The following ASXL2 variants were observed in gnomAD, a reference collection of about 807,000 sequenced individuals.
ASXL2 encodes putative Polycomb group protein ASXL2.
ASXL2 carries 23 observed loss-of-function variants against 122.0 expected under a neutral mutation model. That is an observed-to-expected ratio of 0.19 (90% CI 0.14 to 0.27). The LOEUF (loss-of-function observed/expected upper bound fraction) is 0.27, where lower values mean the gene tolerates loss of function less well. Ranked by LOEUF, ASXL2 falls within the 10% of genes least tolerant of loss-of-function variation. The pLI is 1.00. For synonymous variants in ASXL2, 650 were observed against 637.0 expected (o/e 1.02, Z -0.31); for missense variants, 1,518 against 1,713.8 (o/e 0.89, Z 2.02).
At chr2:25,794,113 A>G in intron 5 of ASXL2, among the ~76,000 whole-genome samples, 1 of 152,224 alleles carries the variant, frequency 6.6e-6, no homozygotes. Flanking sequence ...TAGAAGGTAG[A>G]TAGGTTTATG....
chr2:25,871,103 A>G (rs1256754285), intron 1 of ASXL2, among the ~76,000 whole-genome samples: 1 of 152,252 alleles, frequency 6.6e-6, no homozygotes, highest in Non-Finnish European at 1.5e-5. Flanking sequence ...AATAGTAAAA[A>G]CATAACAAAT....
In ASXL2 at chr2:25,815,112, C is replaced by A. The variant is rs561659572; in HGVS notation, c.144-8775G>T. ...CATCTCAAGTGATAGGAATCTCACC[C>A]TCACATACAACTATTCTCCACTCTG... On this transcript the variant is annotated intron_variant, in intron 3 of 12. Transcript: ENST00000435504. Among the ~76,000 whole-genome samples, 11 of 152,244 alleles carry A rather than the reference C, an allele frequency of 7.2e-5. No individual in the cohort carries two copies. The South Asian group carries it at 2.3e-3, about 32-fold the overall frequency.
intron 1 of ASXL2, among the ~76,000 whole-genome samples, chr2:25,868,410 A>T (rs1392732185): frequency 1.3e-5 from 2 of 152,258 alleles, no homozygotes; most frequent in African/African-American, 4.8e-5. Context: ...GTCTCTCACA[A>T]CATAATTTTT....
chr2:25,783,313 T>C (rs2088678116), intron 5 of ASXL2, among the ~76,000 whole-genome samples: 1 of 151,970 alleles, frequency 6.6e-6, no homozygotes, highest in Admixed American at 6.6e-5. Context: ...AAGTATCCCA[T>C]TTCATCTACA....
At chr2:25,860,804 G>T (rs1043120785) in intron 1 of ASXL2, among the ~76,000 whole-genome samples, 2 of 151,968 alleles carry the variant, frequency 1.3e-5, no homozygotes, top group Non-Finnish European at 2.9e-5. Flanking sequence ...TTGAGCTCAG[G>T]AGTTCAAGAC....
chr2:25,788,869 ACT>A (rs1348374077), intron 5 of ASXL2, among the ~76,000 whole-genome samples: 1 of 149,752 alleles, frequency 6.7e-6, no homozygotes, highest in Non-Finnish European at 1.5e-5. Flanking sequence ...TTGCCTTTTC[ACT>A]CTCTTAAAGT....
At chr2:25,851,711 C>T (rs936013621) in intron 1 of ASXL2, among the ~76,000 whole-genome samples, 2 of 152,110 alleles carry the variant, frequency 1.3e-5, no homozygotes, top group African/African-American at 2.4e-5. Context: ...GCCAACATGA[C>T]CAAACCCTGG....
chr2:25,805,358 G>A (rs139701685), intron 4 of ASXL2, among the ~76,000 whole-genome samples: 2,884 of 151,264 alleles, frequency 0.019, 291 homozygotes, highest in Admixed American at 0.16. Context: ...CAAATGTTGT[G>A]GGGCTCTCCA....
At chr2:25,798,907 G>T (rs1050227461) in intron 5 of ASXL2, among the ~76,000 whole-genome samples, 1 of 152,174 alleles carries the variant, frequency 6.6e-6, no homozygotes, top group African/African-American at 2.4e-5. Flanking sequence ...CAAAGCCATA[G>T]GATGTACTCT....
rs769379588 is a variant in ASXL2, at chr2:25,756,048, C to A, written c.1006G>T (p.Ala336Ser). The change falls in exon 10 of 13, where the codon GCC (alanine) becomes TCC (serine). Residue 336 changes from alanine (A) to serine (S), a missense_variant. Physicochemically the swap from Ala to Ser is moderately conservative, Grantham distance 99 (BLOSUM62 1). This residue lies in a region of ASXL2 where 92 missense variants were observed against 156.6 expected (regional missense o/e 0.59). Transcript: ENST00000435504. Reference sequence around the variant, plus strand: ...GAGAGTCTTTCCTTCCAGCCTTGGGCTGCTGAAGTGAAGAATTCATTGTTA... The same window carrying A: ...GAGAGTCTTTCCTTCCAGCCTTGGGATGCTGAAGTGAAGAATTCATTGTTA... ...ALNNEFFTSA[A>S]QGWKERLSEG... 6 of 1,613,440 alleles carry A rather than the reference C, an allele frequency of 3.7e-6. No homozygotes were observed. In the Admixed American group the frequency reaches 1.0e-4, roughly 27 times the overall value.
intron 1 of ASXL2, among the ~76,000 whole-genome samples, chr2:25,875,033 T>C (rs1466175890): frequency 6.6e-6 from 1 of 152,188 alleles, no homozygotes; most frequent in Non-Finnish European, 1.5e-5. Flanking sequence ...TGAGCCGCCA[T>C]CGTGGCAGTG....
chr2:25,851,571 G>C (rs1364773002), intron 1 of ASXL2, among the ~76,000 whole-genome samples: 3 of 151,986 alleles, frequency 2.0e-5, no homozygotes, highest in Non-Finnish European at 4.4e-5. Context: ...ATTTCTTTAA[G>C]CATGTTTACA....
chr2:25,763,503 G>T (rs979922664), intron 8 of ASXL2, among the ~76,000 whole-genome samples: 1 of 151,196 alleles, frequency 6.6e-6, no homozygotes, highest in Non-Finnish European at 1.5e-5. Flanking sequence ...AAAAAAAAAA[G>T]CTGATTTCAG....
chr2:25,806,180 G>T, intron 4 of ASXL2, 49 bp downstream of exon 4: 1 of 1,175,672 alleles, frequency 8.5e-7, no homozygotes, highest in Non-Finnish European at 1.2e-6. Context: ...TTTATATGTG[G>T]TCACTTCCTG....
At chr2:25,773,851 T>C (rs1429142212) in intron 5 of ASXL2, among the ~76,000 whole-genome samples, 1 of 150,370 alleles carries the variant, frequency 6.7e-6, no homozygotes, top group Non-Finnish European at 1.5e-5. Context: ...GCCAACATGG[T>C]GAAACCCCGC....
chr2:25,855,605 G>A (rs1458695846), intron 1 of ASXL2, among the ~76,000 whole-genome samples: 2 of 152,262 alleles, frequency 1.3e-5, no homozygotes, highest in South Asian at 2.1e-4. Context: ...GGTGGAGGTT[G>A]CAGTGAGCTG....
At chr2:25,745,559 C>CA (rs34181748) in intron 12 of ASXL2, among the ~76,000 whole-genome samples, 5,143 of 50,774 alleles carry the variant, frequency 0.1, 208 homozygotes, top group African/African-American at 0.14. Flanking sequence ...GCCTCCAGCT[C>CA]AAAAAAAAAA....
chr2:25,755,951 C>T, intron 10 of ASXL2, 67 bp downstream of exon 10: 1 of 1,292,448 alleles, frequency 7.7e-7, no homozygotes, highest in Non-Finnish European at 1.1e-6. Context: ...GCGTAATTAC[C>T]TGATGAGGAA....
rs77427486 is a variant in ASXL2, at chr2:25,748,616, A to G, written c.1860+1080T>C. Among the ~76,000 whole-genome samples the G allele has an allele frequency of 2.4e-3, 362 of 152,274 alleles. 2 individuals carry two copies. The highest frequency in any genetic ancestry group is 8.3e-3 in the African/African-American group (344 of 41,544). On this transcript the variant is annotated intron_variant, in intron 12 of 12. Transcript: ENST00000435504. ...TCACCTCAGTTAAATAAAAAGGGGGAAAAAGTACTTTTACTAGTCTTATTT... is the reference window on the plus strand; with the variant it reads ...TCACCTCAGTTAAATAAAAAGGGGGGAAAAGTACTTTTACTAGTCTTATTT...
Sources: gnomAD v4.1 joint callset for allele counts (sites outside exome capture counted in the v4.1 genomes callset) on GRCh38, gnomAD v4.1.1 for gene constraint, gnomAD v4.1.1 regional missense constraint, MANE v1.5 for transcripts, NCBI Gene and HGNC (gene_info 2026-07-23, HGNC 2026-07-21) for gene names.